The following NRG1 variants were observed in gnomAD, a reference collection of about 807,000 sequenced individuals.
The protein encoded by NRG1 is pro-neuregulin-1, membrane-bound isoform.
In NRG1, 18 loss-of-function variants were observed where a neutral mutation model predicts 63.8. The ratio of observed to expected loss-of-function variants is 0.28; its 90% CI spans 0.19 to 0.42. NRG1 has a LOEUF of 0.42. NRG1 is among the 10% of genes least tolerant of loss of function. The pLI is 1.00. For missense variants in NRG1, 762 were observed against 814.7 expected (o/e 0.94, Z 0.79); for synonymous variants, 302 against 301.3 (o/e 1.00, Z -0.02).
chr8:32,278,199 A>C (rs1016038602), intron 1 of NRG1, among the ~76,000 whole-genome samples: 7 of 152,212 alleles, frequency 4.6e-5, no homozygotes, highest in African/African-American at 1.7e-4. Flanking sequence ...CATTGTAGTG[A>C]TATGGGAAGA....
rs1264111970 is a variant in NRG1, at chr8:32,747,732, G to GTGTATATATA, written c.691+5000_691+5001insGTATATATAT. ...TGTTTGTGTGCATATATGTGTGTGT[G>GTGTATATATA]TATATATATATATATATATATATAT... On this transcript the variant is annotated intron_variant, in intron 7 of 11. Transcript: ENST00000356819. 1.7e-3 allele frequency among the ~76,000 whole-genome samples: 220 copies of GTGTATATATA among 132,098 alleles called. 3 individuals carry two copies. The East Asian group carries it at 0.043, about 26-fold the overall frequency. 86.7% of individuals were successfully genotyped at this position (132,098 alleles called of 152,430 possible). A position where few individuals can be genotyped will look rare whatever the true frequency, so the allele number is the denominator to read the frequency against.
intron 7 of NRG1, among the ~76,000 whole-genome samples, chr8:32,744,748 A>G (rs1827118025): frequency 6.6e-6 from 1 of 152,292 alleles, no homozygotes; most frequent in South Asian, 2.1e-4. Flanking sequence ...AGCATTAAAA[A>G]TGAAGCTATT....
intron 1 of NRG1, among the ~76,000 whole-genome samples, chr8:32,188,815 G>T (rs946407617): frequency 2.6e-5 from 4 of 151,916 alleles, no homozygotes; most frequent in South Asian, 2.1e-4. Context: ...CTGTTGTGGG[G>T]TGGGGGGAGG....
At chr8:32,166,404 A>C (rs1585778430) in intron 1 of NRG1, among the ~76,000 whole-genome samples, 1 of 152,082 alleles carries the variant, frequency 6.6e-6, no homozygotes, top group East Asian at 1.9e-4. Flanking sequence ...AAATTGCCTC[A>C]TTGTCATTCC....
chr8:32,202,479 A>G (rs1383963), intron 1 of NRG1, among the ~76,000 whole-genome samples: 123,126 of 152,070 alleles, frequency 0.81, 50,550 homozygotes, highest in African/African-American at 0.92. Flanking sequence ...TGCCATCTGG[A>G]GATGGCTTAA....
intron 1 of NRG1, among the ~76,000 whole-genome samples, chr8:32,019,826 A>C (rs944963911): frequency 6.6e-6 from 1 of 152,168 alleles, no homozygotes; most frequent in African/African-American, 2.4e-5. Flanking sequence ...TGCAGTGGTG[A>C]CTATATCATA....
intron 1 of NRG1, among the ~76,000 whole-genome samples, chr8:31,996,733 G>T (rs1812032862): frequency 6.6e-6 from 1 of 151,870 alleles, no homozygotes; most frequent in African/African-American, 2.4e-5. Context: ...GAAAAGAAAA[G>T]AAAACCCATA....
chr8:32,441,762 T>C (rs1479871273), intron 1 of NRG1, among the ~76,000 whole-genome samples: 1 of 152,102 alleles, frequency 6.6e-6, no homozygotes, highest in Non-Finnish European at 1.5e-5. Context: ...TTTTCAACAA[T>C]AAATTAGAAA....
chr8:32,468,209 A>G (rs922648009), intron 1 of NRG1, among the ~76,000 whole-genome samples: 1 of 152,176 alleles, frequency 6.6e-6, no homozygotes, highest in Non-Finnish European at 1.5e-5. Flanking sequence ...TCTTTGAGAT[A>G]GAAAGTTACC....
At chr8:32,464,186 G>A (rs890564841) in intron 1 of NRG1, among the ~76,000 whole-genome samples, 21 of 151,624 alleles carry the variant, frequency 1.4e-4, no homozygotes, top group African/African-American at 4.6e-4. Context: ...GAGCCATCAC[G>A]CCTGGCTAAA....
At chr8:31,989,314 A>G (rs1460285245) in intron 1 of NRG1, among the ~76,000 whole-genome samples, 1 of 128,262 alleles carries the variant, frequency 7.8e-6, no homozygotes, top group Non-Finnish European at 1.9e-5. Flanking sequence ...AACAGGATCC[A>G]TGGGAGAACA....
chr8:32,736,746 TTTGATGAA>T (rs1825167579), intron 6 of NRG1, among the ~76,000 whole-genome samples: 1 of 151,038 alleles, frequency 6.6e-6, no homozygotes. Context: ...CAAGGGAGGG[TTTGATGAA>T]AATGAAGCTG....
chr8:32,306,086 C>T (rs548981712), intron 1 of NRG1, among the ~76,000 whole-genome samples: 4 of 152,206 alleles, frequency 2.6e-5, no homozygotes, highest in African/African-American at 7.2e-5. Flanking sequence ...ATAAAATGAC[C>T]CTTAACTCCC....
intron 1 of NRG1, among the ~76,000 whole-genome samples, chr8:32,151,030 A>G (rs2131825077): frequency 6.6e-6 from 1 of 152,284 alleles, no homozygotes; most frequent in East Asian, 1.9e-4. Flanking sequence ...GCAAAACTGT[A>G]AACTTGAAAT....
At chr8:32,360,257 C>T (rs771713832) in intron 1 of NRG1, among the ~76,000 whole-genome samples, 9 of 152,096 alleles carry the variant, frequency 5.9e-5, no homozygotes, top group Admixed American at 2.6e-4. Flanking sequence ...AATTCAAAGA[C>T]GTTTTCTGAA....
chr8:32,670,748 C>A (rs1358380913), intron 5 of NRG1, among the ~76,000 whole-genome samples: 2 of 152,122 alleles, frequency 1.3e-5, no homozygotes, highest in African/African-American at 4.8e-5. Flanking sequence ...TGAACCCTGG[C>A]CAAAGCTGTT....
chr8:32,563,588 T>C (rs1200002875), intron 1 of NRG1, among the ~76,000 whole-genome samples: 1 of 152,314 alleles, frequency 6.6e-6, no homozygotes, highest in African/African-American at 2.4e-5. Flanking sequence ...TGTGATACAA[T>C]TGAAGTTGTG....
intron 1 of NRG1, among the ~76,000 whole-genome samples, chr8:32,027,449 C>T (rs1353296282): frequency 7.6e-6 from 1 of 131,468 alleles, no homozygotes. Context: ...TCCTTCCTTC[C>T]TTCCTTCCTT....
At chr8:31,976,109 T>C (rs1808121179) in intron 1 of NRG1, among the ~76,000 whole-genome samples, 1 of 152,182 alleles carries the variant, frequency 6.6e-6, no homozygotes. Context: ...CACAACATAA[T>C]TTATTATGTG....
Sources: allele counts gnomAD v4.1 joint callset (sites outside exome capture counted in the v4.1 genomes callset), GRCh38; gene constraint gnomAD v4.1.1; transcripts MANE v1.5; gene names NCBI Gene and HGNC (gene_info 2026-07-23, HGNC 2026-07-21).